XRCC1: variants seen among roughly 807,000 people sequenced by gnomAD.
The protein encoded by XRCC1 is X-ray repair cross complementing 1, also known as DNA repair protein XRCC1.
A neutral mutation model predicts 83.3 loss-of-function variants in XRCC1; 52 were observed. The observed-to-expected ratio is 0.62, with a 90% CI of 0.50 to 0.79. The LOEUF (loss-of-function observed/expected upper bound fraction) is 0.79, where lower values mean the gene tolerates loss of function less well. Ranked by LOEUF, XRCC1 falls within the 30% of genes least tolerant of loss-of-function variation. The probability of loss-of-function intolerance (pLI) is 0.00; values close to 1 mark genes in which losing one functional copy is unlikely to be tolerated. For missense variants in XRCC1, 793 were observed against 823.5 expected (o/e 0.96, Z 0.45); for synonymous variants, 281 against 312.6 (o/e 0.90, Z 1.07).
At chr19:43,560,262 G>C (rs553661983) in intron 3 of XRCC1, among the ~76,000 whole-genome samples, 1 of 151,958 alleles carries the variant, frequency 6.6e-6, no homozygotes, top group Non-Finnish European at 1.5e-5. Context: ...CGGGCGTGGT[G>C]GTGGGCACCT....
chr19:43,544,290 C>A (rs2146040474), intron 14 of XRCC1, 56 bp from the exon 15 acceptor site: 1 of 1,480,394 alleles, frequency 6.8e-7, no homozygotes, highest in South Asian at 1.2e-5. Flanking sequence ...TCCCAGGCAC[C>A]AAACAGGAGT....
intron 14 of XRCC1, 133 bp downstream of exon 14, chr19:43,545,685 G>C: frequency 2.6e-6 from 3 of 1,175,800 alleles, no homozygotes; most frequent in Non-Finnish European, 3.6e-6. Context: ...TGCTGAGGCA[G>C]GGAGTGGGTT....
chr19:43,565,132 T>G (rs1479067184), intron 2 of XRCC1, among the ~76,000 whole-genome samples: 1 of 152,136 alleles, frequency 6.6e-6, no homozygotes, highest in East Asian at 1.9e-4. Flanking sequence ...TCCAGGGCAC[T>G]CTCCCCATCT....
In XRCC1 at chr19:43,545,887, A is replaced by T; in HGVS notation, c.1552T>A (p.Ser518Thr). Residue 518 changes from serine to threonine, a missense_variant, in exon 14 of 17, where the codon TCC becomes ACC. Physicochemically the swap from Ser to Thr is moderately conservative, Grantham distance 58. Coordinates refer to ENST00000262887, the MANE Select transcript of XRCC1 (RefSeq NM_006297.3). ...TCACTGTCCGTGTTCTCATCCGTGG[A>T]GCCTGCATACGGGTCTTCCCCATTC... ...EENGEDPYAG[S>T]TDENTDSEEH... 1.2e-6 allele frequency: 2 copies of T among 1,613,898 alleles called. No individual in the cohort carries two copies. The highest frequency in any genetic ancestry group is 1.7e-6 in the Non-Finnish European group (2 of 1,179,900).
At chr19:43,548,213 G>GCCGCCCCTCGCCTCTGCCCA (rs1568512163) in intron 10 of XRCC1, among the ~76,000 whole-genome samples, 3 of 151,498 alleles carry the variant, frequency 2.0e-5, no homozygotes, top group African/African-American at 7.3e-5. Context: ...GCCTCTGCCC[G>GCCGCCCCTCGCCTCTGCCCA]GCCGCCCCTT....
chr19:43,552,854 T>TTG lies in XRCC1; in HGVS notation c.765_766insCA (p.Lys256GlnfsTer41), dbSNP rs1972595747. On this transcript the variant is annotated frameshift_variant, in exon 8 of 17. Coordinates refer to ENST00000262887, the MANE Select transcript of XRCC1 (RefSeq NM_006297.3). LOFTEE classifies it high-confidence loss of function. ...TGGGCTGGTGGTTTGCTGGGGGTCT[T>TTG]CTTTTCTTCTTGGTTCAAATCCAAC... 6.2e-7 allele frequency: 1 copy of TTG among 1,613,582 alleles called. No individual in the cohort carries two copies. Among genetic ancestry groups the TTG allele is most frequent in the Non-Finnish European group, 8.5e-7 (1 of 1,179,844 alleles).
At chr19:43,551,425 C>A (rs1340279396) in intron 10 of XRCC1, 146 bp downstream of exon 10, 2 of 688,330 alleles carry the variant, frequency 2.9e-6, no homozygotes, top group East Asian at 2.7e-5. Flanking sequence ...GTACCCCAGC[C>A]CCTGCCCCGC....
At chr19:43,570,182 A>G (rs1269323419) in intron 2 of XRCC1, among the ~76,000 whole-genome samples, 4 of 152,346 alleles carry the variant, frequency 2.6e-5, no homozygotes, top group Admixed American at 1.3e-4. Context: ...TAGAAAACCA[A>G]TAACAATCAA....
chr19:43,571,950 T>C (rs1423643381), intron 2 of XRCC1, among the ~76,000 whole-genome samples: 1 of 152,212 alleles, frequency 6.6e-6, no homozygotes, highest in Admixed American at 6.5e-5. Flanking sequence ...CACTGACAAC[T>C]TCCCCACATT....
At chr19:43,568,239 G>C (rs999744903) in intron 2 of XRCC1, among the ~76,000 whole-genome samples, 1 of 151,168 alleles carries the variant, frequency 6.6e-6, no homozygotes, top group African/African-American at 2.4e-5. Flanking sequence ...GCTGACGCCT[G>C]TAATCCCAAC....
chr19:43,555,135 C>A, intron 3 of XRCC1: 1 of 192,078 alleles, frequency 5.2e-6, no homozygotes, highest in Non-Finnish European at 1.1e-5. Flanking sequence ...GCACAATATT[C>A]AAACACCTTT....
At chr19:43,558,746 A>AAGAGAGTACAGAAAT (rs1488268788) in intron 3 of XRCC1, among the ~76,000 whole-genome samples, 1 of 152,136 alleles carries the variant, frequency 6.6e-6, no homozygotes, top group Non-Finnish European at 1.5e-5. Context: ...TGGAACAGAG[A>AAGAGAGTACAGAAAT]AGAGAGTACA....
At chr19:43,553,936 C>T (rs1232340892) in intron 4 of XRCC1, among the ~76,000 whole-genome samples, 1 of 152,214 alleles carries the variant, frequency 6.6e-6, no homozygotes, top group Non-Finnish European at 1.5e-5. Context: ...TACTAGGTGT[C>T]CCAGCGAATT....
At chr19:43,567,260 C>T (rs1385940913) in intron 2 of XRCC1, among the ~76,000 whole-genome samples, 5 of 103,976 alleles carry the variant, frequency 4.8e-5, no homozygotes, top group African/African-American at 2.0e-4. Context: ...AGAACATTGT[C>T]AATATGCTAA....
chr19:43,559,254 T>A (rs148123633), intron 3 of XRCC1, among the ~76,000 whole-genome samples: 2 of 151,496 alleles, frequency 1.3e-5, no homozygotes, highest in Non-Finnish European at 2.9e-5. Context: ...GAGGCTAAGG[T>A]GGGCAGATCA....
At chr19:43,548,251 GCCACCACCCCGTCTGGGAGGTGTA>G in intron 10 of XRCC1, among the ~76,000 whole-genome samples, 1 of 152,138 alleles carries the variant, frequency 6.6e-6, no homozygotes, top group African/African-American at 2.4e-5. Flanking sequence ...CCTCTGCCTG[GCCACCACCCCGTCTGGGAGGTGTA>G]CCCAACAGCT....
At position 43,566,531 on chromosome 19, in the gene XRCC1, CAAAAAAAAA is replaced by C. The variant is rs34680972; in HGVS notation, c.145-5520_145-5512del. ...TGGGTGGCAGAGCAAGACTCTGTCTCAAAAAAAAAAAAAAAAAAAGTAAATAAATACTTT... is the reference window on the plus strand; with the variant it reads ...TGGGTGGCAGAGCAAGACTCTGTCTCAAAAAAAAAAGTAAATAAATACTTT... On this transcript the variant is annotated intron_variant, in intron 2 of 16. Transcript: ENST00000262887. Among the ~76,000 whole-genome samples the C allele has an allele frequency of 7.5e-5, 5 of 66,524 alleles. No individual in the cohort carries two copies. The Admixed American group carries it at 8.8e-4, about 12-fold the overall frequency. The allele number at this position is 66,524 out of a possible 152,430, so 43.6% of individuals were successfully genotyped here. A position where few individuals can be genotyped will look rare whatever the true frequency, so the allele number is the denominator to read the frequency against.
intron 1 of XRCC1, 38 bp from the exon 2 acceptor site, chr19:43,575,040 A>G (rs755857339): frequency 6.5e-7 from 1 of 1,541,920 alleles, no homozygotes; most frequent in Non-Finnish European, 9.0e-7. Context: ...TAGGGCACAG[A>G]GATGACAGCT....
At position 43,560,928 on chromosome 19, in the gene XRCC1, A is replaced by G. The variant is rs1319052613; in HGVS notation, c.237T>C (p.Ala79=). 3.1e-6 allele frequency: 5 copies of G among 1,614,038 alleles called. No homozygotes were observed. The highest frequency in any genetic ancestry group is 2.7e-5 in the African/African-American group (2 of 74,938). The part of the protein sequence containing the change: ...EVLVGSSAGG[A]GEQDYEVLLV... ...TGCTTACCTCATAGTCTTGCTCCCC[A>G]GCGCCTCCAGCTGAACTGCCCACCA... Residue 79 remains alanine (A), a synonymous_variant, in exon 3 of 17, where the codon GCT becomes GCC. Transcript: ENST00000262887.
Sources: gnomAD v4.1 joint callset for allele counts (sites outside exome capture counted in the v4.1 genomes callset) on GRCh38, gnomAD v4.1.1 for gene constraint, MANE v1.5 for transcripts, NCBI Gene and HGNC (gene_info 2026-07-23, HGNC 2026-07-21) for gene names.